Variants in MINDY3 observed in about 807,000 individuals in gnomAD.
The protein encoded by MINDY3 is ubiquitin carboxyl-terminal hydrolase MINDY-3.
A neutral mutation model predicts 69.2 loss-of-function variants in MINDY3; 38 were observed. The observed-to-expected ratio is 0.55, with a 90% CI of 0.42 to 0.72. The LOEUF is 0.72. Ranked by LOEUF, MINDY3 falls within the 30% of genes least tolerant of loss-of-function variation. The pLI, the probability that MINDY3 is intolerant of heterozygous loss-of-function variation, is 0.00. For missense variants in MINDY3, 522 were observed against 519.0 expected (o/e 1.01, Z -0.06); for synonymous variants, 192 against 180.1 (o/e 1.07, Z -0.53).
In MINDY3 at chr10:15,816,960, T is replaced by C. The variant is rs114035593; in HGVS notation, c.802-45A>G. 5,894 of 1,373,654 alleles carry C rather than the reference T, an allele frequency of 4.3e-3. 120 individuals carry two copies. In the African/African-American group the frequency reaches 0.059, roughly 14 times the overall value. The allele number at this position is 1,373,654 out of a possible 1,614,324, so 85.1% of individuals were successfully genotyped here. A position where few individuals can be genotyped will look rare whatever the true frequency, so the allele number is the denominator to read the frequency against. ...ATAAAACAAATAAACAAATTAAAAA[T>C]TTATACTGCCTCTTATTTGCCCATA... is the stretch of plus-strand genomic sequence containing the variant. On this transcript the variant is annotated intron_variant, in intron 9 of 14. Coordinates refer to ENST00000277632, the MANE Select transcript of MINDY3 (RefSeq NM_024948.4).
chr10:15,837,671 T>G, intron 5 of MINDY3: 1 of 1,131,174 alleles, frequency 8.8e-7, no homozygotes, highest in Non-Finnish European at 1.1e-6. Context: ...AACTTCACTT[T>G]TTAAATCCTA....
Position 15,841,641 on chromosome 10 carries a change from A to G in MINDY3, c.236-42T>C, listed in dbSNP as rs768137225. The G allele has an allele frequency of 3.4e-5, 28 of 832,178 alleles. No individual in the cohort carries two copies. In the East Asian group the frequency reaches 9.1e-4, roughly 27 times the overall value. 51.5% of individuals were successfully genotyped at this position (832,178 alleles called of 1,614,324 possible). On this transcript the variant is annotated intron_variant, in intron 3 of 14. Coordinates refer to ENST00000277632, the MANE Select transcript of MINDY3 (RefSeq NM_024948.4). ...CATAAGTTATAATGGTTTCCTCTGG[A>G]AAAAAAAAAATTCTGTCATGAATAA...
At chr10:15,860,079 A>G in intron 1 of MINDY3, 127 bp downstream of exon 1, 2 of 710,060 alleles carry the variant, frequency 2.8e-6, no homozygotes, top group Non-Finnish European at 4.9e-6. Flanking sequence ...GTCCAGCTTC[A>G]GCGCTGAGCA....
Position 15,834,605 on chromosome 10 carries a change from G to A in MINDY3, c.588C>T (p.Asn196=). The change falls in exon 7 of 15, where the codon AAC becomes AAT. Residue 196 remains asparagine, a synonymous_variant. Coordinates refer to ENST00000277632, the MANE Select transcript of MINDY3 (RefSeq NM_024948.4). The stretch of plus-strand genomic sequence containing the variant: ...TTGCATCTTCAATTTCGTTTTTTAT[G>A]TTTTCAATGCCCTAAAGAAACAGAA... ...YSVLLTKGIE[N]IKNEIEDASE... is the part of the protein sequence containing the mutation. 6.2e-7 allele frequency: 1 copy of A among 1,607,808 alleles called. No homozygotes were observed. The highest frequency in any genetic ancestry group is 8.5e-7 in the Non-Finnish European group (1 of 1,175,292).
rs1833469731 is a variant in MINDY3, at chr10:15,841,569, G to A, written c.266C>T (p.Thr89Ile). ...AGCACTTTCTAAAATATCACACAAG[G>A]TATGACAAAGGAGTTCCTTCTGCTC... is the stretch of plus-strand genomic sequence containing the variant. Reference protein sequence around the residue: ...EEEQKELLCHTLCDILESACC... With the variant: ...EEEQKELLCHILCDILESACC... The change falls in exon 4 of 15, where the codon ACC becomes ATC. Residue 89 changes from threonine (T) to isoleucine (I), a missense_variant. Physicochemically the swap from Thr to Ile is moderately conservative, Grantham distance 89 (BLOSUM62 -1). Transcript: ENST00000277632. 1.2e-6 allele frequency: 2 copies of A among 1,609,496 alleles called. No homozygotes were observed. The highest frequency in any genetic ancestry group is 1.1e-5 in the South Asian group (1 of 90,754).
intron 1 of MINDY3, among the ~76,000 whole-genome samples, chr10:15,850,236 C>G (rs117306912): frequency 6.6e-6 from 1 of 152,096 alleles, no homozygotes; most frequent in Admixed American, 6.5e-5. Context: ...GCCTCAGGAT[C>G]CTGTGATGAT....
chr10:15,804,273 T>C (rs1275970275), intron 10 of MINDY3, among the ~76,000 whole-genome samples: 1 of 151,994 alleles, frequency 6.6e-6, no homozygotes, highest in Non-Finnish European at 1.5e-5. Flanking sequence ...TTAATGGGAC[T>C]ATCTAATAGC....
intron 10 of MINDY3, among the ~76,000 whole-genome samples, chr10:15,804,661 A>G (rs949853045): frequency 1.3e-5 from 2 of 152,296 alleles, no homozygotes; most frequent in East Asian, 3.9e-4. Flanking sequence ...TAAATGCTGT[A>G]TAATTTACCT....
intron 1 of MINDY3, among the ~76,000 whole-genome samples, chr10:15,855,719 T>C (rs1229257474): frequency 6.6e-6 from 1 of 152,144 alleles, no homozygotes; most frequent in Non-Finnish European, 1.5e-5. Context: ...TAGCCTTCCA[T>C]GTAAACAAGG....
intron 10 of MINDY3, among the ~76,000 whole-genome samples, chr10:15,803,508 A>G (rs1838411877): frequency 6.6e-6 from 1 of 152,146 alleles, no homozygotes; most frequent in Non-Finnish European, 1.5e-5. Flanking sequence ...GAAGGAATGT[A>G]ATGACTTTAT....
chr10:15,829,999 G>A (rs1329770842), intron 8 of MINDY3, among the ~76,000 whole-genome samples: 1 of 152,152 alleles, frequency 6.6e-6, no homozygotes, highest in African/African-American at 2.4e-5. Flanking sequence ...CTTGGCCTCT[G>A]TGAGACAAAT....
At chr10:15,813,371 C>T (rs1053573146) in intron 10 of MINDY3, among the ~76,000 whole-genome samples, 1 of 152,140 alleles carries the variant, frequency 6.6e-6, no homozygotes, top group African/African-American at 2.4e-5. Context: ...GCTCTTTCCC[C>T]TCTCTTCCTC....
intron 10 of MINDY3, among the ~76,000 whole-genome samples, chr10:15,798,800 A>ACAAACAAACAAT (rs58992930): frequency 1.3e-5 from 2 of 151,180 alleles, no homozygotes; most frequent in African/African-American, 4.9e-5. Context: ...AAACAAACAA[A>ACAAACAAACAAT]AAACCACTAT....
intron 8 of MINDY3, among the ~76,000 whole-genome samples, chr10:15,831,771 G>C (rs1840482195): frequency 6.6e-6 from 1 of 151,444 alleles, no homozygotes; most frequent in Admixed American, 6.6e-5. Context: ...CGCCTCCCGG[G>C]TTCAAGCAAT....
At chr10:15,850,454 C>T (rs545267011) in intron 1 of MINDY3, among the ~76,000 whole-genome samples, 10 of 152,250 alleles carry the variant, frequency 6.6e-5, no homozygotes, top group African/African-American at 2.4e-4. Context: ...TTTTTCTCAG[C>T]AAGGAACAGC....
intron 1 of MINDY3, among the ~76,000 whole-genome samples, chr10:15,853,321 GC>G (rs1834441597): frequency 6.6e-6 from 1 of 152,042 alleles, no homozygotes; most frequent in Non-Finnish European, 1.5e-5. Flanking sequence ...CTTTCAGGGG[GC>G]CCACTGGAAG....
chr10:15,817,704 A>T (rs1839471361), intron 9 of MINDY3: 1 of 152,234 alleles, frequency 6.6e-6, no homozygotes, highest in African/African-American at 2.4e-5. Flanking sequence ...AATCTTAGCA[A>T]TACAATTTGC....
At chr10:15,848,657 A>G (rs1390157726) in intron 1 of MINDY3, among the ~76,000 whole-genome samples, 1 of 126,222 alleles carries the variant, frequency 7.9e-6, no homozygotes, top group East Asian at 2.0e-4. Context: ...AAAAAAAAAA[A>G]AAAAAGAAAG....
In MINDY3 at chr10:15,860,370, G is replaced by C. The variant is rs2132172277; in HGVS notation, c.-71C>G. ...CGGAACATGGGGAAGGGGCAACTCC[G>C]GAAACAGCAGCTGCGGGACGGCGGC... On this transcript the variant is annotated 5_prime_UTR_variant, in exon 1 of 15. Coordinates refer to ENST00000277632, the MANE Select transcript of MINDY3 (RefSeq NM_024948.4). The C allele has an allele frequency of 9.0e-7, 1 of 1,117,066 alleles. No homozygotes were observed. The highest frequency in any genetic ancestry group is 1.3e-5 in the South Asian group (1 of 75,066). 69.2% of individuals were successfully genotyped at this position (1,117,066 alleles called of 1,614,324 possible). A position where few individuals can be genotyped will look rare whatever the true frequency, so the allele number is the denominator to read the frequency against.
Sources: allele counts gnomAD v4.1 joint callset (sites outside exome capture counted in the v4.1 genomes callset), GRCh38; gene constraint gnomAD v4.1.1; transcripts MANE v1.5; gene names NCBI Gene and HGNC (gene_info 2026-07-23, HGNC 2026-07-21).